The following CTNNA2 variants were observed in gnomAD, a reference collection of about 807,000 sequenced individuals.
The protein encoded by CTNNA2 is catenin alpha 2.
Under a neutral mutation model 101.0 loss-of-function variants are expected in CTNNA2, and 42 were observed. That is an observed-to-expected ratio of 0.42 (90% CI 0.32 to 0.54). CTNNA2 has a LOEUF of 0.54. Ranked by LOEUF, CTNNA2 falls within the 20% of genes least tolerant of loss-of-function variation. The pLI is 0.14. For synonymous variants in CTNNA2, 450 were observed against 456.4 expected (o/e 0.99, Z 0.18); for missense variants, 871 against 1,223.1 (o/e 0.71, Z 4.29).
At chr2:79,201,728 A>G (rs1185354795) in intron 2 of CTNNA2, among the ~76,000 whole-genome samples, 1 of 151,968 alleles carries the variant, frequency 6.6e-6, no homozygotes, top group East Asian at 1.9e-4. Context: ...CTAATAGGAG[A>G]TTTCTCAAAG....
chr2:79,902,925 A>G (rs1403727178), intron 6 of CTNNA2, among the ~76,000 whole-genome samples: 1 of 152,134 alleles, frequency 6.6e-6, no homozygotes. Context: ...GCGCCCGGTC[A>G]GCAAATGTTT....
chr2:80,123,914 T>C (rs1386420250), intron 7 of CTNNA2, among the ~76,000 whole-genome samples: 1 of 152,164 alleles, frequency 6.6e-6, no homozygotes, highest in African/African-American at 2.4e-5. Context: ...GTACAGATTC[T>C]TAGGACTGGC....
At chr2:80,253,870 A>G (rs1355139531) in intron 7 of CTNNA2, among the ~76,000 whole-genome samples, 1 of 152,120 alleles carries the variant, frequency 6.6e-6, no homozygotes, top group African/African-American at 2.4e-5. Flanking sequence ...TGGCATGGAG[A>G]TAGGGTTGGG....
At chr2:79,452,462 C>T (rs1002681817) in intron 4 of CTNNA2, among the ~76,000 whole-genome samples, 29 of 151,978 alleles carry the variant, frequency 1.9e-4, no homozygotes, top group Admixed American at 3.3e-4. Context: ...GAAATATAAC[C>T]GTGGCGCATA....
At chr2:80,637,823 A>T (rs1673040141) in intron 18 of CTNNA2, among the ~76,000 whole-genome samples, 1 of 152,044 alleles carries the variant, frequency 6.6e-6, no homozygotes, top group South Asian at 2.1e-4. Context: ...TACTCCACCA[A>T]CCTGCACCCA....
At chr2:80,135,845 T>C (rs982413503) in intron 7 of CTNNA2, among the ~76,000 whole-genome samples, 2 of 152,150 alleles carry the variant, frequency 1.3e-5, no homozygotes, top group Non-Finnish European at 2.9e-5. Flanking sequence ...TCACAGTGGC[T>C]TGAAATTGCA....
chr2:80,211,761 A>G (rs1370735713), intron 7 of CTNNA2, among the ~76,000 whole-genome samples: 1 of 152,150 alleles, frequency 6.6e-6, no homozygotes, highest in Non-Finnish European at 1.5e-5. Flanking sequence ...GAAGAAAGTC[A>G]TTGGTAGCTT....
intron 2 of CTNNA2, among the ~76,000 whole-genome samples, chr2:79,716,616 G>A (rs1389460830): frequency 6.6e-6 from 1 of 152,174 alleles, no homozygotes; most frequent in Non-Finnish European, 1.5e-5. Context: ...TAAGGCTGAA[G>A]GGATATGGCA....
chr2:80,637,107 AAAG>A (rs1477164450), intron 18 of CTNNA2, among the ~76,000 whole-genome samples: 5 of 152,158 alleles, frequency 3.3e-5, no homozygotes. Flanking sequence ...TTTGAAAGGA[AAAG>A]AAGGATGAAG....
At chr2:79,287,967 C>G (rs1675664076) in intron 2 of CTNNA2, among the ~76,000 whole-genome samples, 1 of 152,220 alleles carries the variant, frequency 6.6e-6, no homozygotes, top group South Asian at 2.1e-4. Flanking sequence ...GTTTTTTAAG[C>G]CGGTCGGAAA....
At chr2:80,417,016 T>C (rs966961011) in intron 8 of CTNNA2, among the ~76,000 whole-genome samples, 1 of 151,992 alleles carries the variant, frequency 6.6e-6, no homozygotes, top group Non-Finnish European at 1.5e-5. Context: ...TGCAGTTTTT[T>C]CCCCCTCGTT....
chr2:80,341,478 C>T lies in CTNNA2; in HGVS notation c.1057-51733C>T, dbSNP rs138523202. Among the ~76,000 whole-genome samples the T allele has an allele frequency of 4.9e-3, 746 of 152,252 alleles. 6 individuals carry two copies. Among genetic ancestry groups the T allele is most frequent in the African/African-American group, 0.016 (674 of 41,564 alleles). On this transcript the variant is annotated intron_variant, in intron 7 of 18. Coordinates refer to ENST00000402739, the MANE Select transcript of CTNNA2 (RefSeq NM_001282597.3). ...TTGAATAGATATTTATCCAGAAAGACATGCAAATGGCTAATAAGCACATGA... is the reference window on the plus strand; with the variant it reads ...TTGAATAGATATTTATCCAGAAAGATATGCAAATGGCTAATAAGCACATGA...
In CTNNA2 at chr2:80,544,995, C is replaced by T. The variant is rs1361327745; in HGVS notation, c.1304C>T (p.Ala435Val). 1 of 1,613,942 alleles carries T rather than the reference C, an allele frequency of 6.2e-7. No individual in the cohort carries two copies. Among genetic ancestry groups the T allele is most frequent in the South Asian group, 1.1e-5 (1 of 91,058 alleles). ...TCTTCAATACAGGTTGCCAATTTGGCCTGTTCCATCTCCAACAATGAAGAA... is the reference window on the plus strand; with the variant it reads ...TCTTCAATACAGGTTGCCAATTTGGTCTGTTCCATCTCCAACAATGAAGAA... ...ANKLVEVANL[A>V]CSISNNEEGV... Residue 435 changes from alanine (A) to valine (V), a missense_variant, in exon 10 of 19, where the codon GCC becomes GTC. This residue lies in a region of CTNNA2 where 647 missense variants were observed against 831.5 expected (regional missense o/e 0.78). Transcript: ENST00000402739.
At chr2:79,358,579 A>G (rs368835306) in intron 3 of CTNNA2, among the ~76,000 whole-genome samples, 2 of 152,208 alleles carry the variant, frequency 1.3e-5, no homozygotes, top group African/African-American at 2.4e-5. Context: ...CTCTTAAAAC[A>G]GCAACAAAGA....
intron 7 of CTNNA2, among the ~76,000 whole-genome samples, chr2:79,930,107 C>T (rs770943395): frequency 6.6e-6 from 1 of 151,656 alleles, no homozygotes; most frequent in Non-Finnish European, 1.5e-5. Flanking sequence ...TGTGGTGGTG[C>T]GCACCTGTAG....
At chr2:79,953,331 C>T (rs963588699) in intron 7 of CTNNA2, among the ~76,000 whole-genome samples, 2 of 152,124 alleles carry the variant, frequency 1.3e-5, no homozygotes, top group Admixed American at 1.3e-4. Flanking sequence ...AAATAAATAC[C>T]GGTCTTTGCA....
intron 2 of CTNNA2, among the ~76,000 whole-genome samples, chr2:79,270,260 C>A (rs1452460095): frequency 6.6e-6 from 1 of 152,064 alleles, no homozygotes; most frequent in Non-Finnish European, 1.5e-5. Flanking sequence ...AGAAGAATCC[C>A]ATGATTTAGT....
At chr2:79,887,434 A>C (rs1558613941) in intron 6 of CTNNA2, among the ~76,000 whole-genome samples, 1 of 152,162 alleles carries the variant, frequency 6.6e-6, no homozygotes, top group African/African-American at 2.4e-5. Context: ...AATTTCAGTC[A>C]TTTTTTGGAA....
At chr2:80,192,929 C>T (rs78591084) in intron 7 of CTNNA2, among the ~76,000 whole-genome samples, 22,112 of 151,316 alleles carry the variant, frequency 0.15, 1,865 homozygotes, top group South Asian at 0.31. Context: ...TACTATGATG[C>T]GTATTTTGGG....
Sources: allele counts gnomAD v4.1 joint callset (sites outside exome capture counted in the v4.1 genomes callset), GRCh38; gene constraint gnomAD v4.1.1; regional missense constraint gnomAD v4.1.1; transcripts MANE v1.5; gene names NCBI Gene and HGNC (gene_info 2026-07-23, HGNC 2026-07-21).